Variants in VCL observed in about 807,000 individuals in gnomAD.
VCL encodes vinculin.
Under a neutral mutation model 125.7 loss-of-function variants are expected in VCL, and 47 were observed. That is an observed-to-expected ratio of 0.37 (90% CI 0.30 to 0.48). VCL has a LOEUF of 0.48. VCL is among the 20% of genes least tolerant of loss of function. The pLI, the probability that VCL is intolerant of heterozygous loss-of-function variation, is 0.99. For synonymous variants in VCL, 458 were observed against 514.6 expected, an observed-to-expected ratio of 0.89 and a Z score of 1.49; for missense variants, 1,069 against 1,455.5, an observed-to-expected ratio of 0.73 and a Z score of 4.32.
At chr10:74,072,146 C>G (rs376452657) in intron 4 of VCL, among the ~76,000 whole-genome samples, 5 of 152,292 alleles carry the variant, frequency 3.3e-5, no homozygotes, top group African/African-American at 9.6e-5. Flanking sequence ...AAAGTGCTAG[C>G]AGAGTGATTC....
At chr10:74,068,942 T>C (rs1013446830) in intron 2 of VCL, among the ~76,000 whole-genome samples, 1 of 135,006 alleles carries the variant, frequency 7.4e-6, no homozygotes, top group Non-Finnish European at 1.5e-5. Context: ...ATATTTAAAA[T>C]AAAATTAAAA....
intron 11 of VCL, among the ~76,000 whole-genome samples, chr10:74,095,401 G>C (rs1839951764): frequency 6.6e-6 from 1 of 152,114 alleles, no homozygotes; most frequent in Admixed American, 6.5e-5. Flanking sequence ...GACCAGCCTG[G>C]GCAACATAGT....
At chr10:74,072,945 CT>C (rs369560544) in intron 5 of VCL, 93 bp downstream of exon 5, 147,709 of 1,131,894 alleles carry the variant, frequency 0.13, no homozygotes, top group South Asian at 0.15. Context: ...GTTTTCTTTT[CT>C]TTTTTTTTTT....
intron 2 of VCL, among the ~76,000 whole-genome samples, chr10:74,044,527 GATA>G (rs1243086325): frequency 6.6e-6 from 1 of 152,174 alleles, no homozygotes; most frequent in East Asian, 1.9e-4. Context: ...TAAGAACCCT[GATA>G]ATATTAGTTG....
intron 1 of VCL, chr10:74,016,805 A>T (rs1373636601): frequency 6.6e-6 from 1 of 152,088 alleles, no homozygotes; most frequent in Non-Finnish European, 1.5e-5. Context: ...TTCCCCAACT[A>T]AACTCCCTAT....
chr10:74,063,492 A>G (rs1841512212), intron 2 of VCL, among the ~76,000 whole-genome samples: 2 of 152,102 alleles, frequency 1.3e-5, no homozygotes, highest in Admixed American at 6.6e-5. Context: ...GTAGCCCCAC[A>G]TTACTCCAGT....
intron 2 of VCL, among the ~76,000 whole-genome samples, chr10:74,062,937 G>A (rs1303119266): frequency 6.6e-6 from 1 of 152,122 alleles, no homozygotes; most frequent in Non-Finnish European, 1.5e-5. Context: ...TGGTGTGGTA[G>A]CACACACTTG....
intron 1 of VCL, among the ~76,000 whole-genome samples, chr10:74,011,367 TA>T (rs781176579): frequency 2.0e-4 from 31 of 152,282 alleles, no homozygotes; most frequent in Admixed American, 1.8e-3. Context: ...TGTCCTCATA[TA>T]CTGGATCATC....
chr10:74,055,737 C>T (rs1179112084), intron 2 of VCL, among the ~76,000 whole-genome samples: 1 of 152,112 alleles, frequency 6.6e-6, no homozygotes, highest in African/African-American at 2.4e-5. Flanking sequence ...CTGTAAGACA[C>T]TCTTGCTTGT....
intron 2 of VCL, among the ~76,000 whole-genome samples, chr10:74,052,609 G>A (rs989348129): frequency 1.3e-5 from 2 of 151,876 alleles, no homozygotes; most frequent in African/African-American, 4.8e-5. Flanking sequence ...ACTCCTGAGC[G>A]CAGGTGATCT....
intron 2 of VCL, among the ~76,000 whole-genome samples, chr10:74,058,087 G>A (rs926228174): frequency 3.3e-5 from 5 of 152,274 alleles, no homozygotes; most frequent in Admixed American, 6.5e-5. Context: ...GGGAAGGGAA[G>A]ATCTCAACAA....
chr10:74,090,277 T>C (rs1220203520), intron 10 of VCL, 79 bp downstream of exon 10: 4 of 1,529,442 alleles, frequency 2.6e-6, no homozygotes, highest in Non-Finnish European at 3.6e-6. Flanking sequence ...TTTCTTTCTT[T>C]CTTCCCCCAA....
At chr10:74,010,092 T>C (rs1207876944) in intron 1 of VCL, among the ~76,000 whole-genome samples, 2 of 151,796 alleles carry the variant, frequency 1.3e-5, no homozygotes, top group Non-Finnish European at 2.9e-5. Context: ...CCCAGCTAAT[T>C]TTTTGTATTT....
At chr10:74,091,880 A>G (rs888756370) in intron 10 of VCL, among the ~76,000 whole-genome samples, 1 of 149,934 alleles carries the variant, frequency 6.7e-6, no homozygotes. Context: ...CGGATGGGCT[A>G]TTATTTTTAT....
Position 74,013,819 on chromosome 10 carries a change from G to A in VCL, c.168+15444G>A, listed in dbSNP as rs146598091. Among the ~76,000 whole-genome samples, 900 of 152,246 alleles carry A rather than the reference G, an allele frequency of 5.9e-3. 10 individuals are homozygous for A. Among genetic ancestry groups the A allele is most frequent in the African/African-American group, 0.02 (828 of 41,544 alleles). Reference sequence around the variant, plus strand: ...TGACACAGAGCTAAGAGCTTTATGAGTGTTAGATTTTATCATTACTATATT... The same window carrying A: ...TGACACAGAGCTAAGAGCTTTATGAATGTTAGATTTTATCATTACTATATT... On this transcript the variant is annotated intron_variant, in intron 1 of 21. Transcript: ENST00000211998.
At chr10:74,031,989 G>A (rs912539567) in intron 1 of VCL, among the ~76,000 whole-genome samples, 1 of 149,066 alleles carries the variant, frequency 6.7e-6, no homozygotes, top group East Asian at 2.0e-4. Flanking sequence ...ACTTGAACCT[G>A]GGAGGCAGAG....
Position 74,097,170 on chromosome 10 carries a change from C to G in VCL, c.1744-34C>G. The stretch of plus-strand genomic sequence containing the variant: ...TAGTAGATATGCTTTGAGGATGTAT[C>G]TGGACATTTTCATATGTAAACAATG... On this transcript the variant is annotated intron_variant, in intron 12 of 21. Transcript: ENST00000211998. This position sits in a 1 kb window ranked among gnomAD's most constrained non-coding sequence, Gnocchi z 4.1. 6.2e-7 allele frequency: 1 copy of G among 1,610,498 alleles called. No individual in the cohort carries two copies. The highest frequency in any genetic ancestry group is 1.1e-5 in the South Asian group (1 of 90,792).
intron 14 of VCL, among the ~76,000 whole-genome samples, chr10:74,102,399 T>C (rs1289297494): frequency 6.6e-6 from 1 of 152,246 alleles, no homozygotes; most frequent in African/African-American, 2.4e-5. Context: ...CTTAAAAATA[T>C]TAGCTCAACA....
intron 1 of VCL, among the ~76,000 whole-genome samples, chr10:74,008,605 G>T (rs902740791): frequency 1.3e-5 from 2 of 152,202 alleles, no homozygotes; most frequent in Admixed American, 1.3e-4. Context: ...CATATGGCAA[G>T]AGACAAAGAT....
Sources: allele counts gnomAD v4.1 joint callset (sites outside exome capture counted in the v4.1 genomes callset), GRCh38; gene constraint gnomAD v4.1.1; non-coding constraint Gnocchi (gnomAD v3.1); transcripts MANE v1.5; gene names NCBI Gene and HGNC (gene_info 2026-07-23, HGNC 2026-07-21).